The following FAM228B variants were observed in gnomAD, a reference collection of about 807,000 sequenced individuals.
The protein encoded by FAM228B is protein FAM228B.
FAM228B carries 38 observed loss-of-function variants against 42.6 expected under a neutral mutation model. The ratio of observed to expected loss-of-function variants is 0.89; its 90% CI spans 0.69 to 1.17. The LOEUF (loss-of-function observed/expected upper bound fraction) is 1.17. FAM228B is among the 50% of genes most tolerant of loss of function. The pLI is 0.00. For missense variants in FAM228B, 344 were observed against 367.3 expected (o/e 0.94, Z 0.52); for synonymous variants, 109 against 122.3 (o/e 0.89, Z 0.72).
intron 3 of FAM228B, among the ~76,000 whole-genome samples, chr2:24,099,906 G>C (rs1665572668): frequency 6.6e-6 from 1 of 152,152 alleles, no homozygotes. Context: ...GCACGGTACT[G>C]GTACCAAAAC....
Position 24,077,799 on chromosome 2 carries a change from G to A in FAM228B, c.-290+830G>A, listed in dbSNP as rs760168311. ...AAAGGAGATCATCAGCCTGGGGAGA[G>A]AGCCTCACCCTGCCCTCCTCATCCT... On this transcript the variant is annotated intron_variant, in intron 1 of 10. Coordinates refer to the FAM228B transcript ENST00000613899. The surrounding 1 kb of genome is among the most constrained non-coding windows in gnomAD (Gnocchi z 5.5). 3.5e-5 allele frequency: 55 copies of A among 1,587,144 alleles called. No homozygotes were observed. Among genetic ancestry groups the A allele is most frequent in the Non-Finnish European group, 4.7e-5 (55 of 1,164,678 alleles).
chr2:24,077,375 C>CG lies in FAM228B; in HGVS notation c.-290+407dup, dbSNP rs1304441795. The CG allele has an allele frequency of 2.0e-6, 1 of 507,074 alleles. No homozygotes were observed. Among genetic ancestry groups the CG allele is most frequent in the Non-Finnish European group, 3.4e-6 (1 of 292,480 alleles). 31.4% of individuals were successfully genotyped at this position (507,074 alleles called of 1,614,324 possible). On this transcript the variant is annotated intron_variant, in intron 1 of 10. Transcript: ENST00000613899. The surrounding 1 kb of genome is among the most constrained non-coding windows in gnomAD (Gnocchi z 5.5). ...CGGGCCTCAGTAATCCCCGCTGCGA[C>CG]GCCCGTCCGGACTCCCACCTCAACC... is the stretch of plus-strand genomic sequence containing the variant.
At chr2:24,163,371 G>A (rs62128009) in intron 8 of FAM228B, among the ~76,000 whole-genome samples, 6 of 152,314 alleles carry the variant, frequency 3.9e-5, no homozygotes, top group South Asian at 4.1e-4. Flanking sequence ...TGGGGAGGGC[G>A]TTGGCCAACA....
chr2:24,102,146 A>G (rs1665621995), intron 3 of FAM228B, among the ~76,000 whole-genome samples: 1 of 152,204 alleles, frequency 6.6e-6, no homozygotes, highest in Non-Finnish European at 1.5e-5. Flanking sequence ...TCAATGCTCT[A>G]TTAGCTGACA....
chr2:24,167,837 A>G (rs1052409277), intron 10 of FAM228B, 154 bp downstream of exon 10: 1 of 873,470 alleles, frequency 1.1e-6, no homozygotes, highest in Non-Finnish European at 1.7e-6. Flanking sequence ...TTTTATGATG[A>G]TCTATTTCAG....
Position 24,115,291 on chromosome 2 carries a change from G to A in FAM228B, c.-120-19828G>A, listed in dbSNP as rs1342315384. ...GCATTCTTGGCATACTTAGCAAGGT[G>A]TGTAGGAGTACAAGAGCCTCACAGA... is the stretch of plus-strand genomic sequence containing the variant. On this transcript the variant is annotated intron_variant, in intron 3 of 10. Transcript: ENST00000613899. 1.0e-5 allele frequency: 4 copies of A among 382,402 alleles called. No homozygotes were observed. The Admixed American group carries it at 1.5e-4, about 15-fold the overall frequency. The allele number at this position is 382,402 out of a possible 1,614,324, so 23.7% of individuals were successfully genotyped here. A position where few individuals can be genotyped will look rare whatever the true frequency, so the allele number is the denominator to read the frequency against.
rs1163399824 is a variant in FAM228B, at chr2:24,167,633, C to T, written c.939C>T (p.Pro313=). ...GCTTCAATCTTCATTTAAGGTCTCC[C>T]TCCCCGCGTTTGGGGCTGCTGAAGC... The part of the protein sequence containing the change: ...QEREEDQDGS[P]SPRLGLLKLE... Residue 313 remains proline, a synonymous_variant, in exon 10 of 11, where the codon CCC becomes CCT. Coordinates refer to ENST00000615575, the MANE Select transcript of FAM228B (RefSeq NM_001145710.2). 3.2e-6 allele frequency: 5 copies of T among 1,551,592 alleles called. No homozygotes were observed. The Admixed American group carries it at 7.8e-5, about 24-fold the overall frequency.
In FAM228B at chr2:24,077,796, A is replaced by G. The variant is rs1664823317; in HGVS notation, c.-290+827A>G. 6.3e-7 allele frequency: 1 copy of G among 1,589,196 alleles called. No individual in the cohort carries two copies. Among genetic ancestry groups the G allele is most frequent in the East Asian group, 2.2e-5 (1 of 44,726 alleles). On this transcript the variant is annotated intron_variant, in intron 1 of 10. Coordinates refer to the FAM228B transcript ENST00000613899. This position sits in a 1 kb window ranked among gnomAD's most constrained non-coding sequence, Gnocchi z 5.5. The stretch of plus-strand genomic sequence containing the variant: ...GGGAAAGGAGATCATCAGCCTGGGG[A>G]GAGAGCCTCACCCTGCCCTCCTCAT...
At chr2:24,121,454 C>T (rs546962527), upstream of FAM228B, among the ~76,000 whole-genome samples, 21 of 152,312 alleles carry the variant, frequency 1.4e-4, no homozygotes, top group Non-Finnish European at 3.1e-4. Context: ...AATAACACTT[C>T]GTGACACTTA....
At chr2:24,140,247 G>A (rs1313603378) in intron 5 of FAM228B, among the ~76,000 whole-genome samples, 1 of 152,142 alleles carries the variant, frequency 6.6e-6, no homozygotes, top group Non-Finnish European at 1.5e-5. Context: ...CGCGATCTCT[G>A]CTCATTGCAA....
chr2:24,121,138 C>G, upstream of FAM228B: 1 of 1,613,100 alleles, frequency 6.2e-7, no homozygotes, highest in Non-Finnish European at 8.5e-7. Context: ...TTTTACTCAG[C>G]TCTCTTCAAA....
intron 5 of FAM228B, among the ~76,000 whole-genome samples, 187 bp downstream of exon 5, chr2:24,139,637 G>C (rs1666700302): frequency 6.6e-6 from 1 of 152,100 alleles, no homozygotes; most frequent in Non-Finnish European, 1.5e-5. Context: ...CTCCATAAAA[G>C]TGGAAAATAC....
Position 24,147,037 on chromosome 2 carries a change from C to T in FAM228B, c.637C>T (p.Leu213=). 1 of 1,551,290 alleles carries T rather than the reference C, an allele frequency of 6.4e-7. No homozygotes were observed. Among genetic ancestry groups the T allele is most frequent in the Middle Eastern group, 1.7e-4 (1 of 5,986 alleles). ...SRHFITPNEW[L]KLPTRYIESE... ...GCACTTTATAACTCCAAACGAGTGG[C>T]TGAAACTGCCTACAAGATACATAGA... Residue 213 remains leucine, a synonymous_variant, in exon 7 of 11, where the codon CTG becomes TTG. Coordinates refer to ENST00000615575, the MANE Select transcript of FAM228B (RefSeq NM_001145710.2).
intron 3 of FAM228B, among the ~76,000 whole-genome samples, chr2:24,099,910 C>T (rs1665572791): frequency 6.6e-6 from 1 of 152,102 alleles, no homozygotes; most frequent in African/African-American, 2.4e-5. Context: ...GGTACTGGTA[C>T]CAAAACAGAT....
chr2:24,088,325 C>A (rs1373067884), intron 2 of FAM228B, among the ~76,000 whole-genome samples: 1 of 152,110 alleles, frequency 6.6e-6, no homozygotes, highest in Non-Finnish European at 1.5e-5. Flanking sequence ...CATACCTCTT[C>A]ACCTGGCTGT....
chr2:24,107,042 T>C (rs1193854101), intron 3 of FAM228B, among the ~76,000 whole-genome samples: 1 of 152,112 alleles, frequency 6.6e-6, no homozygotes, highest in Non-Finnish European at 1.5e-5. Context: ...CCATCTCACA[T>C]GTAATGACAT....
At chr2:24,152,821 G>A (rs906310774) in intron 7 of FAM228B, among the ~76,000 whole-genome samples, 10 of 152,148 alleles carry the variant, frequency 6.6e-5, no homozygotes, top group African/African-American at 2.4e-4. Flanking sequence ...ATGCTGTCTG[G>A]GAGCCAGGGC....
intron 2 of FAM228B, among the ~76,000 whole-genome samples, chr2:24,131,869 G>A (rs1032379053): frequency 6.6e-6 from 1 of 152,152 alleles, no homozygotes; most frequent in African/African-American, 2.4e-5. Flanking sequence ...GTAATATGTT[G>A]AATAGGAATT....
intron 2 of FAM228B, among the ~76,000 whole-genome samples, chr2:24,129,626 G>T (rs1429314859): frequency 6.6e-6 from 1 of 151,168 alleles, no homozygotes; most frequent in Non-Finnish European, 1.5e-5. Flanking sequence ...AACCCATTGA[G>T]GTTTGTTTAT....
Sources: gnomAD v4.1 joint callset for allele counts (sites outside exome capture counted in the v4.1 genomes callset) on GRCh38, gnomAD v4.1.1 for gene constraint, Gnocchi (gnomAD v3.1) non-coding constraint, MANE v1.5 for transcripts, NCBI Gene and HGNC (gene_info 2026-07-23, HGNC 2026-07-21) for gene names.